Variants in MACROD2 observed in about 807,000 individuals in gnomAD.
MACROD2 encodes mono-ADP ribosylhydrolase 2, also known as ADP-ribose glycohydrolase MACROD2.
Under a neutral mutation model 70.4 loss-of-function variants are expected in MACROD2, and 36 were observed. That is an observed-to-expected ratio of 0.51 (90% CI 0.39 to 0.68). MACROD2 has a LOEUF of 0.68. MACROD2 is among the 30% of genes least tolerant of loss of function. MACROD2 has a pLI of 0.00. For synonymous variants in MACROD2, 172 were observed against 178.8 expected (o/e 0.96, Z 0.30); for missense variants, 496 against 538.4 (o/e 0.92, Z 0.78).
chr20:14,655,945 C>G lies in MACROD2; in HGVS notation c.302-28898C>G, dbSNP rs544320347. Among the ~76,000 whole-genome samples, 3 of 152,222 alleles carry G rather than the reference C, an allele frequency of 2.0e-5. No homozygotes were observed. The South Asian group carries it at 6.2e-4, about 32-fold the overall frequency. ...GTCACCATAGCTTATTATACATGGG[C>G]TGATTCTCACTCCCTGGAAATAGAA... On this transcript the variant is annotated intron_variant, in intron 4 of 17. Transcript: ENST00000684519.
At chr20:15,762,243 T>C (rs1003626755) in intron 8 of MACROD2, among the ~76,000 whole-genome samples, 1 of 152,234 alleles carries the variant, frequency 6.6e-6, no homozygotes, top group African/African-American at 2.4e-5. Context: ...ACAGAAATCC[T>C]GTGAGGCGAA....
chr20:15,530,360 C>A lies in MACROD2; in HGVS notation c.645+30513C>A, dbSNP rs116856060. Among the ~76,000 whole-genome samples, 17 of 152,162 alleles carry A rather than the reference C, an allele frequency of 1.1e-4. No individual in the cohort carries two copies. The East Asian group carries it at 3.3e-3, about 29-fold the overall frequency. On this transcript the variant is annotated intron_variant, in intron 8 of 17. Transcript: ENST00000684519. The stretch of plus-strand genomic sequence containing the variant: ...TTCAAGGGTTTCTTTAGGTTTAATA[C>A]CATAATACTAAGATTTCAGTAGCAT...
intron 8 of MACROD2, among the ~76,000 whole-genome samples, chr20:15,693,802 G>C (rs1454471712): frequency 6.6e-6 from 1 of 151,802 alleles, no homozygotes. Flanking sequence ...TGAGATTTTG[G>C]TGCACATATC....
chr20:15,518,175 A>C (rs6074910), intron 8 of MACROD2, among the ~76,000 whole-genome samples: 9,941 of 152,324 alleles, frequency 0.065, 415 homozygotes, highest in East Asian at 0.2. Flanking sequence ...ACAGTTTGAG[A>C]TGTCTGAATC....
Position 14,162,883 on chromosome 20 carries a change from T to C in MACROD2, c.271+77155T>C, listed in dbSNP as rs1569185647. ...AATCCATTTACATTCAAGGTTGCTATTGATATATGAGGCCTTATTCCTGTC... is the reference window on the plus strand; with the variant it reads ...AATCCATTTACATTCAAGGTTGCTACTGATATATGAGGCCTTATTCCTGTC... On this transcript the variant is annotated intron_variant, in intron 3 of 17. Coordinates refer to ENST00000684519, the MANE Select transcript of MACROD2 (RefSeq NM_001351661.2). 2.0e-5 allele frequency among the ~76,000 whole-genome samples: 3 copies of C among 152,258 alleles called. No homozygotes were observed. In the South Asian group the frequency reaches 6.2e-4, roughly 32 times the overall value.
intron 5 of MACROD2, among the ~76,000 whole-genome samples, chr20:14,908,525 A>G (rs2073988036): frequency 6.6e-6 from 1 of 151,646 alleles, no homozygotes; most frequent in Admixed American, 6.6e-5. Context: ...CTTGTTGTCA[A>G]ACACCTGTAG....
intron 4 of MACROD2, among the ~76,000 whole-genome samples, chr20:14,560,171 T>G (rs1979328645): frequency 6.6e-6 from 1 of 151,798 alleles, no homozygotes; most frequent in Non-Finnish European, 1.5e-5. Context: ...TAGAGACCTT[T>G]TAAAAGTAAG....
chr20:14,457,134 G>C (rs1267631474), intron 3 of MACROD2, among the ~76,000 whole-genome samples: 1 of 152,046 alleles, frequency 6.6e-6, no homozygotes, highest in Non-Finnish European at 1.5e-5. Flanking sequence ...TCAGAAAGTG[G>C]AGACATCAGG....
At chr20:15,045,029 A>G (rs1180197530) in intron 5 of MACROD2, among the ~76,000 whole-genome samples, 4 of 152,156 alleles carry the variant, frequency 2.6e-5, no homozygotes, top group Non-Finnish European at 5.9e-5. Flanking sequence ...CAAGAGGCTG[A>G]ATTGAAGCTT....
chr20:15,539,564 G>T (rs1413761486), intron 8 of MACROD2, among the ~76,000 whole-genome samples: 1 of 152,188 alleles, frequency 6.6e-6, no homozygotes, highest in Admixed American at 6.5e-5. Flanking sequence ...TTTGAGTGGA[G>T]ATATTTTCAC....
chr20:15,085,529 T>C (rs2075740549), intron 5 of MACROD2, among the ~76,000 whole-genome samples: 1 of 151,972 alleles, frequency 6.6e-6, no homozygotes, highest in South Asian at 2.1e-4. Context: ...CATAAAGAAC[T>C]TTTACAAGTC....
intron 5 of MACROD2, among the ~76,000 whole-genome samples, chr20:14,722,699 AT>A (rs1467028082): frequency 6.6e-6 from 1 of 152,220 alleles, no homozygotes; most frequent in Admixed American, 6.5e-5. Flanking sequence ...TTCAAGTAGA[AT>A]TTAGTTGCCA....
At chr20:14,541,598 T>TCACACACACACA (rs139991575) in intron 4 of MACROD2, among the ~76,000 whole-genome samples, 13 of 150,354 alleles carry the variant, frequency 8.6e-5, no homozygotes, top group South Asian at 6.3e-4. Flanking sequence ...ACAGCACACA[T>TCACACACACACA]CACACACACA....
chr20:15,700,072 T>A (rs189223092), intron 8 of MACROD2, among the ~76,000 whole-genome samples: 11 of 152,282 alleles, frequency 7.2e-5, no homozygotes, highest in African/African-American at 2.6e-4. Context: ...TCTCCCTTTC[T>A]CAGTTCCGCA....
intron 6 of MACROD2, among the ~76,000 whole-genome samples, chr20:15,237,192 C>T (rs776096337): frequency 3.3e-5 from 5 of 152,198 alleles, no homozygotes; most frequent in Non-Finnish European, 7.3e-5. Flanking sequence ...AAGCCTCTCT[C>T]TCTTTTTCAC....
At chr20:15,065,407 G>A (rs572926914) in intron 5 of MACROD2, among the ~76,000 whole-genome samples, 1 of 152,278 alleles carries the variant, frequency 6.6e-6, no homozygotes, top group African/African-American at 2.4e-5. Context: ...TGTAATCCCA[G>A]CACTTTGGGA....
At chr20:14,004,973 C>G (rs906515220) in intron 2 of MACROD2, among the ~76,000 whole-genome samples, 2 of 152,058 alleles carry the variant, frequency 1.3e-5, no homozygotes, top group Non-Finnish European at 2.9e-5. Flanking sequence ...AGTTCTTGAG[C>G]TATTGCTTTT....
At chr20:15,628,954 C>T (rs2049247744) in intron 8 of MACROD2, among the ~76,000 whole-genome samples, 1 of 152,204 alleles carries the variant, frequency 6.6e-6, no homozygotes, top group Non-Finnish European at 1.5e-5. Flanking sequence ...ACTTCATTTT[C>T]ATTGCAGTAT....
chr20:14,611,452 G>GTTTTTT (rs11473891), intron 4 of MACROD2, among the ~76,000 whole-genome samples: 3 of 113,390 alleles, frequency 2.6e-5, no homozygotes, highest in African/African-American at 1.0e-4. Context: ...ATGCCCTGAG[G>GTTTTTT]TTTTTTTTTT....
Sources: allele counts gnomAD v4.1 joint callset (sites outside exome capture counted in the v4.1 genomes callset), GRCh38; gene constraint gnomAD v4.1.1; transcripts MANE v1.5; gene names NCBI Gene and HGNC (gene_info 2026-07-23, HGNC 2026-07-21).